Variants in CYTIP observed in about 807,000 individuals in gnomAD.
CYTIP encodes cytohesin-interacting protein.
A neutral mutation model predicts 43.8 loss-of-function variants in CYTIP; 26 were observed. The ratio of observed to expected loss-of-function variants is 0.59; its 90% CI spans 0.44 to 0.82. CYTIP has a LOEUF of 0.82. Among genes scored for constraint, CYTIP ranks in the 40% least tolerant of loss-of-function variants. The pLI, the probability that CYTIP is intolerant of heterozygous loss-of-function variation, is 0.00. For synonymous variants in CYTIP, 162 were observed against 162.9 expected (o/e 0.99, Z 0.04); for missense variants, 426 against 443.1 (o/e 0.96, Z 0.35).
At chr2:157,423,711 T>C (rs1453989736) in intron 6 of CYTIP, among the ~76,000 whole-genome samples, 1 of 151,950 alleles carries the variant, frequency 6.6e-6, no homozygotes, top group Admixed American at 6.6e-5. Context: ...ACCTGAAAAA[T>C]GAAACTCTTT....
At position 157,415,644 on chromosome 2, in the gene CYTIP, A is replaced by C; in HGVS notation, c.*33T>G. 6.8e-7 allele frequency: 1 copy of C among 1,464,752 alleles called. No individual in the cohort carries two copies. Among genetic ancestry groups the C allele is most frequent in the Non-Finnish European group, 9.4e-7 (1 of 1,064,898 alleles). The allele number at this position is 1,464,752 out of a possible 1,614,324, so 90.7% of individuals were successfully genotyped here. A position where few individuals can be genotyped will look rare whatever the true frequency, so the allele number is the denominator to read the frequency against. On this transcript the variant is annotated 3_prime_UTR_variant, in exon 8 of 8. Transcript: ENST00000264192. ...CTGGGTGAGTCTAGAGATATTTGTGAAATAAGCTAATTTGAAAGGACACCA... is the reference window on the plus strand; with the variant it reads ...CTGGGTGAGTCTAGAGATATTTGTGCAATAAGCTAATTTGAAAGGACACCA...
At chr2:157,438,990 T>G (rs963499185) in intron 1 of CYTIP, 11 of 416,996 alleles carry the variant, frequency 2.6e-5, no homozygotes, top group Non-Finnish European at 4.6e-5. Context: ...GTAAAATCTT[T>G]TAAACCACAG....
chr2:157,437,252 A>G (rs1685824240), intron 1 of CYTIP, among the ~76,000 whole-genome samples: 2 of 152,222 alleles, frequency 1.3e-5, no homozygotes, highest in African/African-American at 4.8e-5. Flanking sequence ...TGCACAGCAA[A>G]CAATTAACAG....
Position 157,423,464 on chromosome 2 carries a change from T to C in CYTIP, c.546+3887A>G, listed in dbSNP as rs1472350958. On this transcript the variant is annotated intron_variant, in intron 6 of 7. Transcript: ENST00000264192. ...AAAAACATAAGTCGCTAAAACTGTC[T>C]TTAAAAAAAACCAGAAATCCTGAGT... 4.0e-5 allele frequency among the ~76,000 whole-genome samples: 5 copies of C among 125,622 alleles called. 2 individuals carry two copies. The East Asian group carries it at 2.4e-3, about 61-fold the overall frequency. 82.4% of individuals were successfully genotyped at this position (125,622 alleles called of 152,430 possible). A position where few individuals can be genotyped will look rare whatever the true frequency, so the allele number is the denominator to read the frequency against.
Position 157,418,524 on chromosome 2 carries a change from A to G in CYTIP, c.612T>C (p.His204=). Residue 204 remains histidine, a splice_region_variant and synonymous_variant, in exon 7 of 8, where the codon CAT becomes CAC. Transcript: ENST00000264192. ...TTCTGAACAGGAAATTGCATTTACC[A>G]TGAAGCAGACGATGTTCCTGTAACT... ...SLQLQEHRLL[H]GDAANCPSLE... 1 of 1,593,814 alleles carries G rather than the reference A, an allele frequency of 6.3e-7. No individual in the cohort carries two copies. The highest frequency in any genetic ancestry group is 8.5e-7 in the Non-Finnish European group (1 of 1,170,296).
intron 3 of CYTIP, among the ~76,000 whole-genome samples, chr2:157,431,734 T>G (rs1032150083): frequency 6.6e-6 from 1 of 152,240 alleles, no homozygotes; most frequent in Non-Finnish European, 1.5e-5. Flanking sequence ...CTAGTTCCAC[T>G]TAGAAGCAAA....
intron 3 of CYTIP, 33 bp downstream of exon 3, chr2:157,434,337 C>CT: frequency 1.9e-6 from 3 of 1,574,768 alleles, no homozygotes; most frequent in Non-Finnish European, 2.6e-6. Flanking sequence ...CACTTTCTTC[C>CT]TTGGAAGTCT....
chr2:157,416,058 G>A lies in CYTIP; in HGVS notation c.699C>T (p.Ala233=), dbSNP rs973070876. The A allele has an allele frequency of 2.5e-6, 4 of 1,614,152 alleles. No individual in the cohort carries two copies. The highest frequency in any genetic ancestry group is 3.4e-6 in the Non-Finnish European group (4 of 1,180,030). Residue 233 remains alanine, a synonymous_variant, in exon 8 of 8, where the codon GCC becomes GCT. Transcript: ENST00000264192. Reference sequence around the variant, plus strand: ...TGGATAATCGATTCCGGTCCACAAGGGCTGGGCCTGGCCCAGGCAGGGGTC... The same window carrying A: ...TGGATAATCGATTCCGGTCCACAAGAGCTGGGCCTGGCCCAGGCAGGGGTC... ...LFGPLPGPGP[A]LVDRNRLSSE...
At chr2:157,436,449 G>T (rs916209897) in intron 1 of CYTIP, among the ~76,000 whole-genome samples, 3 of 151,906 alleles carry the variant, frequency 2.0e-5, no homozygotes, top group Non-Finnish European at 4.4e-5. Context: ...GCCAAATTAC[G>T]TAATGATAAC....
intron 5 of CYTIP, among the ~76,000 whole-genome samples, chr2:157,428,021 T>G (rs1042083532): frequency 6.6e-6 from 1 of 152,238 alleles, no homozygotes; most frequent in African/African-American, 2.4e-5. Context: ...AACCTTCATA[T>G]GATTCTTTAT....
At chr2:157,435,727 T>C (rs1416919665) in intron 1 of CYTIP, among the ~76,000 whole-genome samples, 2 of 152,296 alleles carry the variant, frequency 1.3e-5, no homozygotes, top group Admixed American at 6.5e-5. Context: ...TGGTTTTTAA[T>C]TGTCAACCTG....
At chr2:157,421,611 T>G (rs965800064) in intron 6 of CYTIP, among the ~76,000 whole-genome samples, 1 of 152,248 alleles carries the variant, frequency 6.6e-6, no homozygotes. Flanking sequence ...GCTGTTTTCA[T>G]GTTGAACATT....
At chr2:157,443,797 G>T (rs1457117417) in intron 1 of CYTIP, 50 bp downstream of exon 1, 7 of 1,569,594 alleles carry the variant, frequency 4.5e-6, no homozygotes, top group Admixed American at 1.7e-5. Context: ...ATATCACTCT[G>T]CCCTCAAGAG....
chr2:157,421,195 G>A (rs1869552), intron 6 of CYTIP, among the ~76,000 whole-genome samples: 5,217 of 152,294 alleles, frequency 0.034, 195 homozygotes, highest in Admixed American at 0.092. Context: ...AGCTCTCATT[G>A]GATGAGAACT....
intron 5 of CYTIP, among the ~76,000 whole-genome samples, chr2:157,427,798 A>G (rs1020592618): frequency 1.3e-5 from 2 of 152,214 alleles, no homozygotes; most frequent in Non-Finnish European, 2.9e-5. Context: ...GGCATCTACT[A>G]TGTACCAGAT....
chr2:157,419,604 G>A (rs138504051), intron 6 of CYTIP, among the ~76,000 whole-genome samples: 9 of 152,158 alleles, frequency 5.9e-5, no homozygotes, highest in Non-Finnish European at 1.3e-4. Context: ...ATTCTCTACT[G>A]TTCCCCTTCC....
In CYTIP at chr2:157,415,937, A is replaced by C. The variant is rs543786674; in HGVS notation, c.820T>G (p.Phe274Val). 6.2e-7 allele frequency: 1 copy of C among 1,614,184 alleles called. No individual in the cohort carries two copies. Among genetic ancestry groups the C allele is most frequent in the Non-Finnish European group, 8.5e-7 (1 of 1,180,030 alleles). Residue 274 changes from phenylalanine to valine, a missense_variant, in exon 8 of 8, where the codon TTC becomes GTC. Transcript: ENST00000264192. ...TCATCTGTACTCGTCTGCCGACTGAAGGCACCCCTGCTGGAGTCCTCAGAC... is the reference window on the plus strand; with the variant it reads ...TCATCTGTACTCGTCTGCCGACTGACGGCACCCCTGCTGGAGTCCTCAGAC... Reference protein sequence around the residue: ...CVSEDSSRGAFSRQTSTDDEC... With the variant: ...CVSEDSSRGAVSRQTSTDDEC...
intron 1 of CYTIP, among the ~76,000 whole-genome samples, chr2:157,440,287 T>C (rs1438264606): frequency 6.6e-6 from 1 of 152,048 alleles, no homozygotes; most frequent in Admixed American, 6.6e-5. Context: ...TGCAACAAAA[T>C]AATGGAGCTG....
intron 6 of CYTIP, among the ~76,000 whole-genome samples, chr2:157,422,169 G>A (rs1421115633): frequency 6.6e-6 from 1 of 152,160 alleles, no homozygotes; most frequent in African/African-American, 2.4e-5. Context: ...AGGCACGGAA[G>A]CCCCCAGACC....
Sources: gnomAD v4.1 joint callset for allele counts (sites outside exome capture counted in the v4.1 genomes callset) on GRCh38, gnomAD v4.1.1 for gene constraint, MANE v1.5 for transcripts, NCBI Gene and HGNC (gene_info 2026-07-23, HGNC 2026-07-21) for gene names.